PFDN2: variants seen among roughly 807,000 people sequenced by gnomAD.
The protein encoded by PFDN2 is prefoldin subunit 2.
A neutral mutation model predicts 18.3 loss-of-function variants in PFDN2; 7 were observed. The observed-to-expected ratio is 0.38, with a 90% CI of 0.22 to 0.72. The LOEUF (loss-of-function observed/expected upper bound fraction) is 0.72, where lower values mean the gene tolerates loss of function less well. PFDN2 is among the 30% of genes least tolerant of loss of function. The pLI is 0.47. For synonymous variants in PFDN2, 76 were observed against 75.0 expected, an observed-to-expected ratio of 1.01 and a Z score of -0.07; for missense variants, 181 against 199.1, an observed-to-expected ratio of 0.91 and a Z score of 0.55.
chr1:161,105,525 T>G (rs916614144), intron 1 of PFDN2, among the ~76,000 whole-genome samples: 6 of 151,986 alleles, frequency 3.9e-5, no homozygotes, highest in Admixed American at 1.3e-4. Flanking sequence ...TGGCGCGATC[T>G]CAGCTCATTG....
At chr1:161,117,085 T>G in intron 1 of PFDN2, among the ~76,000 whole-genome samples, 1 of 151,616 alleles carries the variant, frequency 6.6e-6, no homozygotes, top group East Asian at 1.9e-4. Flanking sequence ...ATACAAAAAT[T>G]AGCCAGGTGT....
chr1:161,117,279 A>G (rs933054272), intron 1 of PFDN2, among the ~76,000 whole-genome samples: 70 of 152,284 alleles, frequency 4.6e-4, no homozygotes, highest in African/African-American at 1.7e-3. Flanking sequence ...AACTGTTTTC[A>G]TTTCTATTGT....
rs967333892 is a variant in PFDN2, at chr1:161,118,030, C to T, written c.-4G>A. 1 of 1,611,060 alleles carries T rather than the reference C, an allele frequency of 6.2e-7. No individual in the cohort carries two copies. The highest frequency in any genetic ancestry group is 8.5e-7 in the Non-Finnish European group (1 of 1,178,992). On this transcript the variant is annotated 5_prime_UTR_variant, in exon 1 of 4. Transcript: ENST00000368010. ...CGCGACCGCTGTTCTCCGCCATCTT[C>T]GCCGCCTGCTGGGTTTCCGGCCGGC...
chr1:161,101,741 T>G (rs1474121004), intron 3 of PFDN2, among the ~76,000 whole-genome samples: 1 of 152,126 alleles, frequency 6.6e-6, no homozygotes, highest in Non-Finnish European at 1.5e-5. Flanking sequence ...ATAATGAGCA[T>G]AGGCTATTTT....
intron 1 of PFDN2, among the ~76,000 whole-genome samples, chr1:161,109,881 C>A (rs1464357619): frequency 6.6e-6 from 1 of 152,038 alleles, no homozygotes; most frequent in Non-Finnish European, 1.5e-5. Flanking sequence ...GAAACCCCAT[C>A]CCTAATAAAA....
intron 1 of PFDN2, among the ~76,000 whole-genome samples, chr1:161,108,386 C>T (rs10218497): frequency 6.7e-6 from 1 of 149,660 alleles, no homozygotes; most frequent in Non-Finnish European, 1.5e-5. Flanking sequence ...TGAACCTGGG[C>T]GACAGAGGTT....
intron 1 of PFDN2, among the ~76,000 whole-genome samples, chr1:161,109,241 C>T (rs12133979): frequency 0.022 from 3,319 of 152,254 alleles, 57 homozygotes; most frequent in Middle Eastern, 0.041. Context: ...TCCCAAACCT[C>T]TCTCATTCAG....
At chr1:161,113,233 A>C (rs1481778441) in intron 1 of PFDN2, among the ~76,000 whole-genome samples, 1 of 152,122 alleles carries the variant, frequency 6.6e-6, no homozygotes, top group East Asian at 1.9e-4. Context: ...CTCTCCTCTT[A>C]TCATATTCCC....
Position 161,117,994 on chromosome 1 carries a change from G to C in PFDN2, c.33C>G (p.Ser11Arg). The C allele has an allele frequency of 6.2e-7, 1 of 1,612,578 alleles. No individual in the cohort carries two copies. Among genetic ancestry groups the C allele is most frequent in the Non-Finnish European group, 8.5e-7 (1 of 1,179,548 alleles). Reference protein sequence around the residue: MAENSGRAGKSSGSGAGKGAV... With the variant: MAENSGRAGKRSGSGAGKGAV... The stretch of plus-strand genomic sequence containing the variant: ...CCCCCTTCCCCGCGCCGCTCCCGCT[G>C]CTCTTGCCGGCGCGACCGCTGTTCT... The change falls in exon 1 of 4, where the codon AGC (serine) becomes AGG (arginine). Residue 11 changes from serine (S) to arginine (R), a missense_variant. Transcript: ENST00000368010.
At chr1:161,110,225 G>A (rs1654776983) in intron 1 of PFDN2, among the ~76,000 whole-genome samples, 1 of 151,822 alleles carries the variant, frequency 6.6e-6, no homozygotes, top group Non-Finnish European at 1.5e-5. Flanking sequence ...GTCGGGTATG[G>A]TGGCTTATGC....
At chr1:161,114,895 G>A (rs1487999769) in intron 1 of PFDN2, among the ~76,000 whole-genome samples, 6 of 152,152 alleles carry the variant, frequency 3.9e-5, no homozygotes, top group Non-Finnish European at 1.5e-5. Context: ...TGAAGGGATT[G>A]TGCAGCACAC....
chr1:161,112,918 T>G (rs910842265), intron 1 of PFDN2, among the ~76,000 whole-genome samples: 10 of 144,344 alleles, frequency 6.9e-5, no homozygotes, highest in African/African-American at 2.5e-4. Flanking sequence ...AAAAAAAAGC[T>G]CCCCCTTCCA....
chr1:161,109,933 A>T (rs1370660005), intron 1 of PFDN2, among the ~76,000 whole-genome samples: 1 of 151,814 alleles, frequency 6.6e-6, no homozygotes, highest in Non-Finnish European at 1.5e-5. Flanking sequence ...GGGTGCCTGT[A>T]ATCCCAGTTA....
At chr1:161,112,098 C>T (rs1654823495) in intron 1 of PFDN2, among the ~76,000 whole-genome samples, 1 of 152,074 alleles carries the variant, frequency 6.6e-6, no homozygotes, top group African/African-American at 2.4e-5. Context: ...TGTTTCTTCA[C>T]CAATAAAATA....
At position 161,100,640 on chromosome 1, in the gene PFDN2, G is replaced by A; in HGVS notation, c.*43C>T. 7.9e-7 allele frequency: 1 copy of A among 1,264,124 alleles called. No individual in the cohort carries two copies. Among genetic ancestry groups the A allele is most frequent in the Non-Finnish European group, 1.1e-6 (1 of 910,546 alleles). The allele number at this position is 1,264,124 out of a possible 1,614,324, so 78.3% of individuals were successfully genotyped here. The stretch of plus-strand genomic sequence containing the variant: ...TAATAATAACAATAAAGAGAAATTA[G>A]AAGTGGGAGTCAGGGTAGAAAAAAA... On this transcript the variant is annotated 3_prime_UTR_variant, in exon 4 of 4. Coordinates refer to ENST00000368010, the MANE Select transcript of PFDN2 (RefSeq NM_012394.4).
rs1341343237 is a variant in PFDN2 at position 161,117,973 on chromosome 1, C to A, written c.54G>T (p.Lys18Asn). Residue 18 changes from lysine to asparagine, a missense_variant, in exon 1 of 4, where the codon AAG (lysine) becomes AAT (asparagine). By Grantham distance (94) the Lys-to-Asn change is moderately conservative. Transcript: ENST00000368010. ...AGKSSGSGAG[K>N]GAVSAEQVIA... ...TCACCTGCTCTGCGGACACCGCCCC[C>A]TTCCCCGCGCCGCTCCCGCTGCTCT... 6.2e-7 allele frequency: 1 copy of A among 1,612,830 alleles called. No homozygotes were observed. The highest frequency in any genetic ancestry group is 8.5e-7 in the Non-Finnish European group (1 of 1,179,462).
At chr1:161,102,252 C>G in intron 2 of PFDN2, 35 bp downstream of exon 2, 1 of 1,611,148 alleles carries the variant, frequency 6.2e-7, no homozygotes, top group South Asian at 1.1e-5. Context: ...GCCCACACAA[C>G]TGTCCTACTG....
intron 1 of PFDN2, among the ~76,000 whole-genome samples, chr1:161,116,240 G>T (rs1231136512): frequency 1.3e-5 from 2 of 151,822 alleles, no homozygotes; most frequent in African/African-American, 4.8e-5. Flanking sequence ...AAAAAAAAAA[G>T]TACTGTGGCT....
At chr1:161,108,931 T>C (rs1229590611) in intron 1 of PFDN2, among the ~76,000 whole-genome samples, 3 of 152,194 alleles carry the variant, frequency 2.0e-5, no homozygotes, top group Non-Finnish European at 4.4e-5. Flanking sequence ...TATACCCTCC[T>C]GATTTCTATA....
Sources: gnomAD v4.1 joint callset for allele counts (sites outside exome capture counted in the v4.1 genomes callset) on GRCh38, gnomAD v4.1.1 for gene constraint, MANE v1.5 for transcripts, NCBI Gene and HGNC (gene_info 2026-07-23, HGNC 2026-07-21) for gene names.